Variants in PDE1A observed in about 807,000 individuals in gnomAD.
PDE1A encodes the protein dual specificity calcium/calmodulin-dependent 3',5'-cyclic nucleotide phosphodiesterase 1A.
Under a neutral mutation model 61.7 loss-of-function variants are expected in PDE1A, and 35 were observed. The ratio of observed to expected loss-of-function variants is 0.57; its 90% confidence interval spans 0.43 to 0.75. The LOEUF is 0.75. PDE1A is among the 30% of genes least tolerant of loss of function. PDE1A has a pLI of 0.00. For missense variants in PDE1A, 597 were observed against 630.6 expected (o/e 0.95, Z 0.57); for synonymous variants, 232 against 213.2 (o/e 1.09, Z -0.77).
intron 7 of PDE1A, among the ~76,000 whole-genome samples, chr2:182,207,663 A>T (rs1235037833): frequency 6.6e-6 from 1 of 152,252 alleles, no homozygotes; most frequent in African/African-American, 2.4e-5. Context: ...TTGCATACGT[A>T]AAGAGAAACC....
intron 1 of PDE1A, among the ~76,000 whole-genome samples, chr2:182,380,733 A>G (rs1700686373): frequency 6.6e-6 from 1 of 152,208 alleles, no homozygotes; most frequent in Admixed American, 6.5e-5. Context: ...TTATAATTAG[A>G]TAATTATAAG....
chr2:182,489,124 T>C (rs997308949), intron 2 of PDE1A, among the ~76,000 whole-genome samples: 1 of 152,132 alleles, frequency 6.6e-6, no homozygotes, highest in Admixed American at 6.5e-5. Flanking sequence ...AGTTGAGCCC[T>C]AAAGGAGGTG....
At chr2:182,154,293 A>G (rs2125280509) in intron 13 of PDE1A, among the ~76,000 whole-genome samples, 1 of 152,322 alleles carries the variant, frequency 6.6e-6, no homozygotes, top group Non-Finnish European at 1.5e-5. Context: ...TAATCATGTA[A>G]AAACAAAAAC....
the PDE1A span, among the ~76,000 whole-genome samples, chr2:182,586,942 T>A: frequency 2.0e-5 from 3 of 152,114 alleles, no homozygotes; most frequent in African/African-American, 7.2e-5. Flanking sequence ...TATGAAGAGA[T>A]AAAAACAAAG....
At chr2:182,205,544 AC>A (rs1293853839) in intron 8 of PDE1A, among the ~76,000 whole-genome samples, 9 of 152,172 alleles carry the variant, frequency 5.9e-5, no homozygotes, top group African/African-American at 2.2e-4. Flanking sequence ...TTTTAAAAAA[AC>A]CTTAACTCCA....
At chr2:182,487,619 C>CACA (rs1688099973) in intron 2 of PDE1A, among the ~76,000 whole-genome samples, 2 of 152,120 alleles carry the variant, frequency 1.3e-5, no homozygotes, top group Non-Finnish European at 2.9e-5. Context: ...ACACTGAGAA[C>CACA]TGCATATTGC....
intron 13 of PDE1A, among the ~76,000 whole-genome samples, chr2:182,170,199 GT>G (rs1692062356): frequency 6.6e-6 from 1 of 152,016 alleles, no homozygotes; most frequent in Non-Finnish European, 1.5e-5. Context: ...TCAAAAATTA[GT>G]TTTGTGACGT....
chr2:182,222,037 TA>T (rs552616972), intron 7 of PDE1A, among the ~76,000 whole-genome samples: 2 of 152,006 alleles, frequency 1.3e-5, no homozygotes, highest in Non-Finnish European at 2.9e-5. Flanking sequence ...AATCAGTTGT[TA>T]AAAATATATA....
chr2:182,344,801 A>T (rs1414378304), intron 1 of PDE1A, among the ~76,000 whole-genome samples: 1 of 151,714 alleles, frequency 6.6e-6, no homozygotes, highest in African/African-American at 2.4e-5. Context: ...TCACACAAAG[A>T]TTTCAAAGAT....
intron 1 of PDE1A, among the ~76,000 whole-genome samples, chr2:182,274,562 A>T (rs1314822712): frequency 1.2e-4 from 19 of 152,120 alleles, no homozygotes; most frequent in Admixed American, 1.2e-3. Context: ...TTGGAGATAC[A>T]ATTTGTGGCA....
chr2:182,462,304 T>TA (rs895062589), intron 2 of PDE1A, among the ~76,000 whole-genome samples: 25 of 150,434 alleles, frequency 1.7e-4, no homozygotes, highest in African/African-American at 3.4e-4. Flanking sequence ...TAAAGTATAA[T>TA]AAAAAAAAGA....
At chr2:182,342,479 G>T (rs833164) in intron 1 of PDE1A, among the ~76,000 whole-genome samples, 2 of 152,188 alleles carry the variant, frequency 1.3e-5, no homozygotes, top group Non-Finnish European at 2.9e-5. Flanking sequence ...GTCAGGAGAT[G>T]GAGACCATCC....
intron 1 of PDE1A, among the ~76,000 whole-genome samples, chr2:182,322,448 A>G (rs1472497294): frequency 1.3e-5 from 2 of 152,154 alleles, no homozygotes; most frequent in African/African-American, 2.4e-5. Context: ...ATGGTTTTAT[A>G]AAGGGCAGTT....
Position 182,330,214 on chromosome 2 carries a change from C to T in PDE1A, c.54-65800G>A, listed in dbSNP as rs1341654587. On this transcript the variant is annotated intron_variant, in intron 1 of 13. Transcript: ENST00000351439. ...CAACAATTAGCTGGGCATGGTGGCG[C>T]GAGCCTGTAATCCCAGCTACTAAGG... 5.3e-5 allele frequency among the ~76,000 whole-genome samples: 8 copies of T among 151,866 alleles called. 1 individual carries two copies. The South Asian group carries it at 6.3e-4, about 12-fold the overall frequency.
chr2:182,498,011 A>G (rs189216232), intron 2 of PDE1A, among the ~76,000 whole-genome samples: 1,797 of 131,090 alleles, frequency 0.014, 16 homozygotes, highest in Non-Finnish European at 0.02. Flanking sequence ...GCGCCACTGC[A>G]CCCCAGCCTG....
At chr2:182,488,969 T>C (rs903611596) in intron 2 of PDE1A, among the ~76,000 whole-genome samples, 1 of 152,232 alleles carries the variant, frequency 6.6e-6, no homozygotes, top group Non-Finnish European at 1.5e-5. Flanking sequence ...CTAATGGGCA[T>C]GGGCAATTAA....
intron 1 of PDE1A, among the ~76,000 whole-genome samples, chr2:182,298,367 C>A (rs1472845289): frequency 6.6e-6 from 1 of 152,102 alleles, no homozygotes; most frequent in Non-Finnish European, 1.5e-5. Flanking sequence ...TTTAAACACA[C>A]CTGTCTTCTC....
exon 6 of PDE1A, chr2:182,230,143 G>A (rs868714710): frequency 1.2e-6 from 2 of 1,610,698 alleles, no homozygotes; most frequent in Non-Finnish European, 1.7e-6. Flanking sequence ...CAAGAAACAG[G>A]AATCTGTGGA....
intron 7 of PDE1A, among the ~76,000 whole-genome samples, chr2:182,209,565 G>A (rs1427916929): frequency 6.6e-6 from 1 of 151,490 alleles, no homozygotes; most frequent in Non-Finnish European, 1.5e-5. Flanking sequence ...ATCTCATATT[G>A]AATTGTAATC....
Sources: gnomAD v4.1 joint callset for allele counts (sites outside exome capture counted in the v4.1 genomes callset) on GRCh38, gnomAD v4.1.1 for gene constraint, MANE v1.5 for transcripts, NCBI Gene and HGNC (gene_info 2026-07-23, HGNC 2026-07-21) for gene names.